Variants in ITGB3 observed in about 807,000 individuals in gnomAD.
ITGB3 encodes integrin beta-3.
Under a neutral mutation model 85.8 loss-of-function variants are expected in ITGB3, and 48 were observed. The observed-to-expected ratio is 0.56, with a 90% CI of 0.44 to 0.71. The LOEUF (loss-of-function observed/expected upper bound fraction) is 0.71. Among genes scored for constraint, ITGB3 ranks in the 30% least tolerant of loss-of-function variants. The pLI is 0.00. For missense variants in ITGB3, 861 were observed against 1,019.1 expected (o/e 0.84, Z 2.11); for synonymous variants, 363 against 395.6 (o/e 0.92, Z 0.98).
chr17:47,258,148 G>A (rs185547757), intron 1 of ITGB3, among the ~76,000 whole-genome samples: 4 of 152,282 alleles, frequency 2.6e-5, no homozygotes, highest in Admixed American at 2.0e-4. Context: ...GAACCGCTTC[G>A]TTTTACCCAG....
intron 1 of ITGB3, among the ~76,000 whole-genome samples, chr17:47,264,733 G>C (rs2065019882): frequency 6.6e-6 from 1 of 152,008 alleles, no homozygotes; most frequent in Non-Finnish European, 1.5e-5. Flanking sequence ...CTTGCCTTGG[G>C]TTCTTTCTGG....
intron 3 of ITGB3, among the ~76,000 whole-genome samples, chr17:47,283,796 A>T (rs2065092716): frequency 6.6e-6 from 1 of 152,360 alleles, no homozygotes; most frequent in Admixed American, 6.5e-5. Flanking sequence ...CAAGTTACTT[A>T]ACCCTTCAGA....
chr17:47,261,387 G>A (rs1438861817), intron 1 of ITGB3, among the ~76,000 whole-genome samples: 1 of 151,956 alleles, frequency 6.6e-6, no homozygotes, highest in Non-Finnish European at 1.5e-5. Context: ...CCAGTTCCTT[G>A]TAGTCTTGTC....
At chr17:47,270,397 C>T (rs2065040275) in intron 1 of ITGB3, among the ~76,000 whole-genome samples, 1 of 152,194 alleles carries the variant, frequency 6.6e-6, no homozygotes. Context: ...TCTCAGAAGT[C>T]TTCTGATAGG....
intron 14 of ITGB3, among the ~76,000 whole-genome samples, chr17:47,308,160 A>AAATAATAATAATAAT (rs200038305): frequency 0.032 from 4,393 of 138,486 alleles, 104 homozygotes; most frequent in African/African-American, 0.059. Context: ...TCGGTCTCAA[A>AAATAATAATAATAAT]AATAATAATA....
At chr17:47,307,329 T>A in intron 13 of ITGB3, 142 bp from the exon 14 acceptor site, 1 of 885,336 alleles carries the variant, frequency 1.1e-6, no homozygotes, top group Admixed American at 2.0e-5. Context: ...AATGATTGTC[T>A]CCTTAAAAAA....
intron 4 of ITGB3, among the ~76,000 whole-genome samples, chr17:47,285,064 T>C (rs1229668092): frequency 2.0e-5 from 3 of 152,208 alleles, no homozygotes; most frequent in Non-Finnish European, 4.4e-5. Context: ...GGCATTATTG[T>C]CTTCATCAAG....
At chr17:47,275,972 C>T (rs574402496) in intron 2 of ITGB3, among the ~76,000 whole-genome samples, 15 of 152,202 alleles carry the variant, frequency 9.9e-5, no homozygotes, top group Admixed American at 4.6e-4. Flanking sequence ...TGTCCTCCTT[C>T]CTCCCATCGT....
At chr17:47,278,656 C>G (rs1053813437) in intron 2 of ITGB3, among the ~76,000 whole-genome samples, 1 of 152,144 alleles carries the variant, frequency 6.6e-6, no homozygotes, top group Non-Finnish European at 1.5e-5. Flanking sequence ...GCTCCAATTC[C>G]TAGTCCATGG....
chr17:47,283,653 A>T, intron 3 of ITGB3, 104 bp downstream of exon 3: 1 of 1,106,644 alleles, frequency 9.0e-7, no homozygotes, highest in Non-Finnish European at 1.4e-6. Context: ...CAGAATGGAA[A>T]TGGGGTGGGA....
chr17:47,307,362 A>T, intron 13 of ITGB3, 109 bp from the exon 14 acceptor site: 1 of 1,248,430 alleles, frequency 8.0e-7, no homozygotes, highest in Non-Finnish European at 1.2e-6. Context: ...AAACTGTCCT[A>T]TTTCCTTCAA....
At chr17:47,263,138 T>TCCTGCTGC (rs1269388694) in intron 1 of ITGB3, among the ~76,000 whole-genome samples, 1 of 152,190 alleles carries the variant, frequency 6.6e-6, no homozygotes, top group East Asian at 1.9e-4. Flanking sequence ...ACGTGAGGTT[T>TCCTGCTGC]CCTGCTGCTT....
In ITGB3 at chr17:47,292,421, C is replaced by T. The variant is rs150138754; in HGVS notation, c.1543C>T (p.Arg515Trp). Residue 515 changes from arginine (R) to tryptophan (W), a missense_variant, in exon 10 of 15, where the codon CGG (arginine) becomes TGG (tryptophan). Physicochemically the swap from Arg to Trp is moderately radical, Grantham distance 101. Coordinates refer to ENST00000559488, the MANE Select transcript of ITGB3 (RefSeq NM_000212.3). ...TTCCCAGCAGGACGAATGCAGCCCCCGGGAGGGTCAGCCCGTCTGCAGCCA... is the reference window on the plus strand; with the variant it reads ...TTCCCAGCAGGACGAATGCAGCCCCTGGGAGGGTCAGCCCGTCTGCAGCCA... ...RPSQQDECSP[R>W]EGQPVCSQRG... The T allele has an allele frequency of 2.7e-5, 43 of 1,611,308 alleles. No homozygotes were observed. Among genetic ancestry groups the T allele is most frequent in the East Asian group, 4.5e-5 (2 of 44,818 alleles).
chr17:47,254,653 G>A (rs2064981648), intron 1 of ITGB3, among the ~76,000 whole-genome samples: 1 of 152,120 alleles, frequency 6.6e-6, no homozygotes, highest in Admixed American at 6.5e-5. Context: ...GGCTCCCTTG[G>A]GCCGGTGGGA....
chr17:47,300,346 C>CGCGCGCGCGTGCGTGCATGTGTGTGT lies in ITGB3; in HGVS notation c.1914-131_1914-130insCGCGCGCGTGCGTGCATGTGTGTGTG, dbSNP rs377375532. ...GGATTGTCTTACAGGCGCGCGCGCG[C>CGCGCGCGCGTGCGTGCATGTGTGTGT]GTGTGTGTGTGTGTGTGTGTGTTTT... On this transcript the variant is annotated intron_variant, in intron 11 of 14. Transcript: ENST00000559488. The CGCGCGCGCGTGCGTGCATGTGTGTGT allele has an allele frequency of 1.7e-4, 105 of 619,810 alleles. No homozygotes were observed. The African/African-American group carries it at 1.8e-3, about 11-fold the overall frequency. The allele number at this position is 619,810 out of a possible 1,614,324, so 38.4% of individuals were successfully genotyped here.
chr17:47,258,152 T>G (rs894645614), intron 1 of ITGB3, among the ~76,000 whole-genome samples: 1 of 152,188 alleles, frequency 6.6e-6, no homozygotes, highest in Admixed American at 6.5e-5. Context: ...CGCTTCGTTT[T>G]ACCCAGCCCT....
In ITGB3 at chr17:47,299,371, A is replaced by C. The variant is rs769897880; in HGVS notation, c.1754A>C (p.Asn585Thr). Residue 585 changes from asparagine to threonine, a missense_variant, in exon 11 of 15, where the codon AAC (asparagine) becomes ACC (threonine). Coordinates refer to ENST00000559488, the MANE Select transcript of ITGB3 (RefSeq NM_000212.3). This position sits in a 1 kb window ranked among gnomAD's most constrained non-coding sequence, Gnocchi z 5.1. ...CDSDWTGYYC[N>T]CTTRTDTCMS... is the part of the protein sequence containing the mutation. ...TCCGACTGGACCGGCTACTACTGCA[A>C]CTGTACCACGCGTACTGACACCTGC... is the stretch of plus-strand genomic sequence containing the variant. 1.9e-6 allele frequency: 3 copies of C among 1,614,100 alleles called. No individual in the cohort carries two copies. Among genetic ancestry groups the C allele is most frequent in the East Asian group, 2.2e-5 (1 of 44,898 alleles).
intron 13 of ITGB3, among the ~76,000 whole-genome samples, chr17:47,306,667 C>CTTATTTATTTAT (rs200815528): frequency 6.6e-6 from 1 of 151,908 alleles, no homozygotes; most frequent in African/African-American, 2.4e-5. Flanking sequence ...TTTTTTATTT[C>CTTATTTATTTAT]TTATTCATTT....
At position 47,256,003 on chromosome 17, in the gene ITGB3, T is replaced by A. The variant is rs551668340; in HGVS notation, c.79+2063T>A. Among the ~76,000 whole-genome samples the A allele has an allele frequency of 4.5e-3, 661 of 147,482 alleles. 2 individuals carry two copies. Among genetic ancestry groups the A allele is most frequent in the Non-Finnish European group, 6.7e-3 (445 of 66,216 alleles). On this transcript the variant is annotated intron_variant, in intron 1 of 14. Transcript: ENST00000559488. ...AATAAATAAATAAATAAATACATAA[T>A]TAAAAAAAGGGTATCCTTGTCCTGT...
Sources: gnomAD v4.1 joint callset for allele counts (sites outside exome capture counted in the v4.1 genomes callset) on GRCh38, gnomAD v4.1.1 for gene constraint, Gnocchi (gnomAD v3.1) non-coding constraint, MANE v1.5 for transcripts, NCBI Gene and HGNC (gene_info 2026-07-23, HGNC 2026-07-21) for gene names.